The following PCDH15 variants were observed in gnomAD, a reference collection of about 807,000 sequenced individuals.
The protein encoded by PCDH15 is protocadherin-15.
In PCDH15, 129 loss-of-function variants were observed where a neutral mutation model predicts 178.5. The ratio of observed to expected loss-of-function variants is 0.72; its 90% CI spans 0.63 to 0.84. The LOEUF is 0.84. PCDH15 is among the 40% of genes least tolerant of loss of function. PCDH15 has a pLI of 0.00. For missense variants in PCDH15, 2,230 were observed against 2,099.9 expected, an observed-to-expected ratio of 1.06 and a Z score of -1.21; for synonymous variants, 800 against 732.0, an observed-to-expected ratio of 1.09 and a Z score of -1.50.
At chr10:55,302,253 T>C (rs761199981) in intron 1 of PCDH15, among the ~76,000 whole-genome samples, 6 of 152,172 alleles carry the variant, frequency 3.9e-5, no homozygotes, top group Non-Finnish European at 5.9e-5. Context: ...TATTTAGGTT[T>C]TTATTAATTT....
intron 2 of PCDH15, among the ~76,000 whole-genome samples, chr10:54,930,553 ATT>A (rs35350777): frequency 6.6e-6 from 1 of 152,112 alleles, no homozygotes; most frequent in Non-Finnish European, 1.5e-5. Context: ...CTTTACTTGA[ATT>A]TTTGATTTCA....
rs143135714 is a variant in PCDH15 at position 55,414,946 on chromosome 10, T to C, written c.-156+212679A>G. Among the ~76,000 whole-genome samples, 391 of 151,776 alleles carry C rather than the reference T, an allele frequency of 2.6e-3. 1 individual carries two copies. Among genetic ancestry groups the C allele is most frequent in the African/African-American group, 8.8e-3 (366 of 41,520 alleles). The stretch of plus-strand genomic sequence containing the variant: ...TTTATTGTCTAATTGTTCTTGCTAG[T>C]ATCTAGCACTATGTTCAGTAGAAGT... On this transcript the variant is annotated intron_variant, in intron 2 of 5. Transcript: ENST00000613346.
At chr10:54,056,938 C>G (rs12243005) in intron 18 of PCDH15, among the ~76,000 whole-genome samples, 5 of 152,154 alleles carry the variant, frequency 3.3e-5, no homozygotes, top group African/African-American at 9.6e-5. Context: ...AGGCCCCACG[C>G]AAGTCCAAAA....
Position 53,806,649 on chromosome 10 carries a change from G to A in PCDH15, c.5153C>T (p.Thr1718Ile). 1 of 1,613,770 alleles carries A rather than the reference G, an allele frequency of 6.2e-7. No homozygotes were observed. The highest frequency in any genetic ancestry group is 8.5e-7 in the Non-Finnish European group (1 of 1,179,762). Residue 1718 changes from threonine (T) to isoleucine (I), a missense_variant, in exon 38 of 38, where the codon ACA becomes ATA. Physicochemically the swap from Thr to Ile is moderately conservative, Grantham distance 89 (BLOSUM62 -1). Transcript: ENST00000644397. ...KEALEFHSDH[T>I]QSDDEELWMG... The stretch of plus-strand genomic sequence containing the variant: ...CCAAAGCTCTTCATCATCAGACTGT[G>A]TGTGGTCACTATGAAATTCCAAAGC...
chr10:53,925,719 T>C (rs1360932993), intron 25 of PCDH15, among the ~76,000 whole-genome samples: 1 of 152,230 alleles, frequency 6.6e-6, no homozygotes, highest in Non-Finnish European at 1.5e-5. Context: ...TAATAGTGTT[T>C]CCAGTCCCTG....
chr10:55,232,170 G>A (rs1841246016), intron 1 of PCDH15, among the ~76,000 whole-genome samples: 1 of 151,366 alleles, frequency 6.6e-6, no homozygotes, highest in Non-Finnish European at 1.5e-5. Context: ...GAAGTTTAAT[G>A]AGGTAGATGT....
At position 55,538,882 on chromosome 10, in the gene PCDH15, C is replaced by CT. The variant is rs1425483751; in HGVS notation, c.-156+88742dup. Among the ~76,000 whole-genome samples the CT allele has an allele frequency of 1.3e-4, 6 of 47,256 alleles. 2 individuals are homozygous for CT. Among genetic ancestry groups the CT allele is most frequent in the Non-Finnish European group, 1.8e-4 (5 of 27,534 alleles). 31.0% of individuals were successfully genotyped at this position (47,256 alleles called of 152,430 possible). A position where few individuals can be genotyped will look rare whatever the true frequency, so the allele number is the denominator to read the frequency against. On this transcript the variant is annotated intron_variant, in intron 2 of 5. Coordinates refer to the PCDH15 transcript ENST00000613346. ...CCTTCCTCCTTTCCTTCCTTCCTCC[C>CT]TTCCTTCCTTTCCTTCCTTCCTTCC...
intron 3 of PCDH15, among the ~76,000 whole-genome samples, chr10:54,520,147 T>A (rs1211089471): frequency 6.6e-6 from 1 of 151,976 alleles, no homozygotes; most frequent in African/African-American, 2.4e-5. Flanking sequence ...CAGGACATAG[T>A]CATGGGCAAG....
At chr10:54,107,850 G>A (rs1397413265) in intron 15 of PCDH15, among the ~76,000 whole-genome samples, 3 of 152,208 alleles carry the variant, frequency 2.0e-5, no homozygotes, top group Non-Finnish European at 2.9e-5. Context: ...AAACCCAAGA[G>A]AGGAAAAGGA....
chr10:55,263,355 G>A (rs1842196373), intron 1 of PCDH15, among the ~76,000 whole-genome samples: 1 of 152,228 alleles, frequency 6.6e-6, no homozygotes, highest in South Asian at 2.1e-4. Flanking sequence ...TGAGCATTTC[G>A]CTCAGCAGCC....
intron 2 of PCDH15, among the ~76,000 whole-genome samples, chr10:55,335,056 A>G (rs1345299901): frequency 1.3e-5 from 2 of 152,222 alleles, no homozygotes; most frequent in Admixed American, 6.5e-5. Context: ...GCAATCTGCT[A>G]TGGGGTCTCA....
intron 27 of PCDH15, among the ~76,000 whole-genome samples, chr10:53,864,308 C>A (rs10825133): frequency 0.29 from 43,514 of 151,656 alleles, 7,931 homozygotes; most frequent in East Asian, 0.75. Context: ...GGAACATAAA[C>A]CAATTAATGC....
chr10:54,480,526 C>T (rs1275453933), intron 3 of PCDH15, among the ~76,000 whole-genome samples: 4 of 152,028 alleles, frequency 2.6e-5, no homozygotes, highest in African/African-American at 9.7e-5. Flanking sequence ...GCAAACCATT[C>T]TACTTCAAAA....
At chr10:53,967,479 C>T (rs185006276) in intron 21 of PCDH15, among the ~76,000 whole-genome samples, 30 of 152,166 alleles carry the variant, frequency 2.0e-4, no homozygotes, top group Middle Eastern at 3.4e-3. Flanking sequence ...TTTATGTTGC[C>T]CAGGTTGGTC....
chr10:54,079,313 C>A lies in PCDH15; in HGVS notation c.2091+18G>T, dbSNP rs767268749. 1.9e-6 allele frequency: 3 copies of A among 1,608,960 alleles called. No individual in the cohort carries two copies. The highest frequency in any genetic ancestry group is 2.2e-5 in the South Asian group (2 of 90,972). ...CTTAATACTATTTTTAAAACCCCTT[C>A]ACAGGGAGCATACTCACCCCATCTG... On this transcript the variant is annotated intron_variant, in intron 17 of 37. Coordinates refer to ENST00000644397, the MANE Select transcript of PCDH15 (RefSeq NM_001384140.1).
intron 1 of PCDH15, among the ~76,000 whole-genome samples, chr10:55,287,812 C>T (rs1842909047): frequency 6.6e-6 from 1 of 151,874 alleles, no homozygotes; most frequent in Non-Finnish European, 1.5e-5. Flanking sequence ...AAGAAAAGTA[C>T]TGGAATGCAA....
intron 2 of PCDH15, among the ~76,000 whole-genome samples, chr10:54,900,105 T>C (rs1423304922): frequency 2.0e-5 from 3 of 152,198 alleles, no homozygotes. Context: ...TACTTACTTA[T>C]TTAAGGCATG....
At chr10:54,149,301 T>C (rs189566370) in intron 14 of PCDH15, among the ~76,000 whole-genome samples, 9 of 152,262 alleles carry the variant, frequency 5.9e-5, no homozygotes, top group East Asian at 3.9e-4. Context: ...TTTCAAATGA[T>C]GGTACTGTAG....
At chr10:54,403,350 T>A (rs1952184474) in intron 3 of PCDH15, among the ~76,000 whole-genome samples, 1 of 151,974 alleles carries the variant, frequency 6.6e-6, no homozygotes, top group Admixed American at 6.6e-5. Flanking sequence ...ACCACATGAT[T>A]ACATCAATAG....
Sources: allele counts gnomAD v4.1 joint callset (sites outside exome capture counted in the v4.1 genomes callset), GRCh38; gene constraint gnomAD v4.1.1; transcripts MANE v1.5; gene names NCBI Gene and HGNC (gene_info 2026-07-23, HGNC 2026-07-21).